The following EVA1A variants were observed in gnomAD, a reference collection of about 807,000 sequenced individuals.
The protein encoded by EVA1A is protein eva-1 homolog A.
Under a neutral mutation model 9.8 loss-of-function variants are expected in EVA1A, and 7 were observed. The observed-to-expected ratio is 0.71, with a 90% CI of 0.41 to 1.34. The LOEUF (loss-of-function observed/expected upper bound fraction) is 1.34. Among genes scored for constraint, EVA1A ranks in the 40% most tolerant of loss-of-function variants. The pLI is 0.01. For missense variants in EVA1A, 206 were observed against 205.9 expected (o/e 1.00, Z 0.00); for synonymous variants, 90 against 85.6 (o/e 1.05, Z -0.28).
At chr2:75,530,769 A>G (rs1675617873) in intron 1 of EVA1A, among the ~76,000 whole-genome samples, 1 of 152,230 alleles carries the variant, frequency 6.6e-6, no homozygotes, top group Non-Finnish European at 1.5e-5. Flanking sequence ...AATAAAAGCC[A>G]TCTATGACAA....
chr2:75,541,105 GC>G (rs2103936959), intron 1 of EVA1A, among the ~76,000 whole-genome samples: 2 of 152,288 alleles, frequency 1.3e-5, no homozygotes, highest in South Asian at 4.1e-4. Flanking sequence ...GAGGGCCAGG[GC>G]CCCTCCCTGA....
chr2:75,519,807 C>T (rs1232406849), intron 2 of EVA1A, among the ~76,000 whole-genome samples: 1 of 151,860 alleles, frequency 6.6e-6, no homozygotes. Flanking sequence ...TATTTCAAAA[C>T]CATTCCCTCC....
intron 1 of EVA1A, among the ~76,000 whole-genome samples, chr2:75,531,757 C>T (rs908085390): frequency 9.9e-5 from 15 of 151,956 alleles, no homozygotes; most frequent in East Asian, 1.9e-4. Flanking sequence ...TTGGGGACTT[C>T]GGGGAAGGCT....
At chr2:75,503,927 C>T (rs1449663342) in intron 3 of EVA1A, among the ~76,000 whole-genome samples, 1 of 152,116 alleles carries the variant, frequency 6.6e-6, no homozygotes, top group East Asian at 1.9e-4. Flanking sequence ...AATGCCCTGA[C>T]TTGATCACTA....
intron 1 of EVA1A, among the ~76,000 whole-genome samples, chr2:75,546,950 T>C (rs1026001366): frequency 2.7e-5 from 4 of 148,024 alleles, no homozygotes; most frequent in African/African-American, 7.5e-5. Flanking sequence ...CCAGAAGCCA[T>C]TGGAGAACCC....
chr2:75,549,006 ATATTTT>A lies in EVA1A; in HGVS notation c.-192+11668_-192+11673del, dbSNP rs1424779656. On this transcript the variant is annotated intron_variant, in intron 1 of 3. Coordinates refer to ENST00000393913, the MANE Select transcript of EVA1A (RefSeq NM_001135032.2). The stretch of plus-strand genomic sequence containing the variant: ...AAAATATATATATATATATATATAT[ATATTTT>A]TTTTTTTTTTACTAATAAATCAAAT... Among the ~76,000 whole-genome samples the A allele has an allele frequency of 2.6e-3, 326 of 126,232 alleles. 1 individual carries two copies. The highest frequency in any genetic ancestry group is 8.5e-3 in the African/African-American group (263 of 30,840). 82.8% of individuals were successfully genotyped at this position (126,232 alleles called of 152,430 possible).
intron 1 of EVA1A, among the ~76,000 whole-genome samples, chr2:75,559,063 G>C (rs1268532232): frequency 6.6e-6 from 1 of 152,134 alleles, no homozygotes; most frequent in Non-Finnish European, 1.5e-5. Flanking sequence ...GATGAGAGCT[G>C]GAAATAATGG....
chr2:75,527,780 G>A (rs1675502733), intron 1 of EVA1A, among the ~76,000 whole-genome samples: 1 of 152,144 alleles, frequency 6.6e-6, no homozygotes, highest in Non-Finnish European at 1.5e-5. Flanking sequence ...ATAATGAGGA[G>A]TGTTTGGAGA....
rs139027097 is a variant in EVA1A at position 75,569,651 on chromosome 2, A to G, written c.-367T>C. The G allele has an allele frequency of 2.6e-5, 4 of 152,178 alleles. 1 individual carries two copies. Among genetic ancestry groups the G allele is most frequent in the African/African-American group, 9.6e-5 (4 of 41,502 alleles). 9.4% of individuals were successfully genotyped at this position (152,178 alleles called of 1,614,324 possible). On this transcript the variant is annotated 5_prime_UTR_variant, in exon 1 of 4. Transcript: ENST00000233712. ...GGTCAGCCGCTACATATCTCTCCCAACCATTCAGTACCAACCCATCTTCTG... is the reference window on the plus strand; with the variant it reads ...GGTCAGCCGCTACATATCTCTCCCAGCCATTCAGTACCAACCCATCTTCTG...
intron 1 of EVA1A, among the ~76,000 whole-genome samples, chr2:75,530,685 T>A (rs542811588): frequency 6.6e-6 from 1 of 151,768 alleles, no homozygotes. Context: ...AGAAAAAAAA[T>A]TTGACAAAAT....
Position 75,493,152 on chromosome 2 carries a change from G to A in EVA1A, c.*84C>T, listed in dbSNP as rs1674085918. The A allele has an allele frequency of 1.3e-6, 2 of 1,498,006 alleles. No homozygotes were observed. The highest frequency in any genetic ancestry group is 4.3e-5 in the Admixed American group (2 of 46,244). 92.8% of individuals were successfully genotyped at this position (1,498,006 alleles called of 1,614,324 possible). On this transcript the variant is annotated 3_prime_UTR_variant, in exon 4 of 4. Coordinates refer to ENST00000393913, the MANE Select transcript of EVA1A (RefSeq NM_001135032.2). ...CTGAAATCACAATATTAGCAGAGCT[G>A]GGTTCAGTTCCTTGTGCCCACTGTC...
intron 2 of EVA1A, chr2:75,518,584 C>T (rs1177393437): frequency 2.0e-6 from 2 of 991,392 alleles, no homozygotes; most frequent in Non-Finnish European, 2.4e-6. Flanking sequence ...TTTTCCTGAC[C>T]TTTCTCCTTT....
intron 1 of EVA1A, among the ~76,000 whole-genome samples, chr2:75,523,235 A>G (rs1052134658): frequency 6.6e-6 from 1 of 152,230 alleles, no homozygotes; most frequent in Non-Finnish European, 1.5e-5. Flanking sequence ...GATTGGTGTC[A>G]CTATCCTACG....
intron 1 of EVA1A, among the ~76,000 whole-genome samples, chr2:75,522,927 G>A (rs1675283691): frequency 6.6e-6 from 1 of 152,170 alleles, no homozygotes; most frequent in African/African-American, 2.4e-5. Flanking sequence ...AGCTCTGTAG[G>A]AACTAGAATC....
At chr2:75,555,336 T>TCTCTCTCTCTCTCTCCCCC (rs766586263) in intron 1 of EVA1A, among the ~76,000 whole-genome samples, 1 of 102,742 alleles carries the variant, frequency 9.7e-6, no homozygotes, top group Non-Finnish European at 2.2e-5. Flanking sequence ...TCTCTCTCTC[T>TCTCTCTCTCTCTCTCCCCC]CCCCCATCTC....
chr2:75,550,387 C>A (rs997945842), intron 1 of EVA1A, among the ~76,000 whole-genome samples: 1 of 152,176 alleles, frequency 6.6e-6, no homozygotes, highest in African/African-American at 2.4e-5. Context: ...GTGTCTCCTC[C>A]CCATAACCCC....
intron 1 of EVA1A, among the ~76,000 whole-genome samples, chr2:75,523,522 C>A (rs1675303684): frequency 2.0e-5 from 3 of 152,154 alleles, no homozygotes; most frequent in Non-Finnish European, 4.4e-5. Context: ...CTGAGAGAAA[C>A]CCCGATTTTC....
At chr2:75,497,210 C>A (rs977443372) in intron 3 of EVA1A, among the ~76,000 whole-genome samples, 5 of 152,020 alleles carry the variant, frequency 3.3e-5, no homozygotes, top group African/African-American at 1.2e-4. Context: ...ACTAAAGAGC[C>A]TCTTCACAGC....
upstream of EVA1A, among the ~76,000 whole-genome samples, chr2:75,564,917 C>G (rs1676997619): frequency 6.6e-6 from 1 of 152,168 alleles, no homozygotes; most frequent in Admixed American, 6.5e-5. Context: ...GCACAACACC[C>G]AAAGGCAGCC....
Sources: gnomAD v4.1 joint callset for allele counts (sites outside exome capture counted in the v4.1 genomes callset) on GRCh38, gnomAD v4.1.1 for gene constraint, MANE v1.5 for transcripts, NCBI Gene and HGNC (gene_info 2026-07-23, HGNC 2026-07-21) for gene names.